Variants in FNDC3B observed in about 807,000 individuals in gnomAD.
The protein encoded by FNDC3B is fibronectin type III domain containing 3B, also known as fibronectin type III domain-containing protein 3B.
A neutral mutation model predicts 151.5 loss-of-function variants in FNDC3B; 12 were observed. The observed-to-expected ratio is 0.08, with a 90% CI of 0.05 to 0.13. The LOEUF is 0.13. Ranked by LOEUF, FNDC3B falls within the 10% of genes least tolerant of loss-of-function variation. FNDC3B has a pLI of 1.00. For synonymous variants in FNDC3B, 528 were observed against 549.0 expected (o/e 0.96, Z 0.54); for missense variants, 1,214 against 1,505.3 (o/e 0.81, Z 3.20).
intron 3 of FNDC3B, among the ~76,000 whole-genome samples, chr3:172,176,842 T>TA (rs1723621393): frequency 6.6e-6 from 1 of 152,110 alleles, no homozygotes; most frequent in South Asian, 2.1e-4. Context: ...ACCACTGCAA[T>TA]AGGGTCTTGC....
At chr3:172,289,998 A>G (rs1730241116) in intron 7 of FNDC3B, among the ~76,000 whole-genome samples, 1 of 152,222 alleles carries the variant, frequency 6.6e-6, no homozygotes, top group Non-Finnish European at 1.5e-5. Flanking sequence ...GCGTATCACT[A>G]AGCAAAAGTG....
intron 3 of FNDC3B, among the ~76,000 whole-genome samples, chr3:172,167,171 G>T (rs549284511): frequency 6.6e-6 from 1 of 152,138 alleles, no homozygotes; most frequent in Non-Finnish European, 1.5e-5. Context: ...TGAGGCGGGC[G>T]GATCACCTGA....
intron 6 of FNDC3B, among the ~76,000 whole-genome samples, chr3:172,277,797 C>A (rs1461873209): frequency 6.6e-6 from 1 of 152,092 alleles, no homozygotes; most frequent in Non-Finnish European, 1.5e-5. Flanking sequence ...AGGTTTTTTC[C>A]ATTTTCCATA....
chr3:172,085,965 A>C (rs1718528885), intron 1 of FNDC3B, among the ~76,000 whole-genome samples: 2 of 152,184 alleles, frequency 1.3e-5, no homozygotes, highest in Non-Finnish European at 2.9e-5. Flanking sequence ...CTGTTTGTAA[A>C]GGTGGCAAAA....
intron 9 of FNDC3B, chr3:172,302,272 A>C (rs1730951159): frequency 6.6e-6 from 1 of 152,234 alleles, no homozygotes; most frequent in Non-Finnish European, 1.5e-5. Context: ...TTTCAATAGC[A>C]GTCTCAGTCA....
chr3:172,134,440 A>G (rs954696988), intron 3 of FNDC3B: 4 of 513,264 alleles, frequency 7.8e-6, no homozygotes, highest in Non-Finnish European at 1.6e-5. Context: ...CATGCAATTG[A>G]GATCAGTATT....
Position 172,346,575 on chromosome 3 carries a change from T to C in FNDC3B, c.2364+135T>C, listed in dbSNP as rs562276639. ...TTTTTTTTTTTTGCTCTGTGTACTA[T>C]AGTAATCACCCTTGGCACTTGCCAC... On this transcript the variant is annotated intron_variant, in intron 20 of 25. Coordinates refer to ENST00000415807, the MANE Select transcript of FNDC3B (RefSeq NM_022763.4). 8.6e-4 allele frequency: 441 copies of C among 511,764 alleles called. 1 individual carries two copies. The highest frequency in any genetic ancestry group is 8.0e-3 in the African/African-American group (406 of 50,444). 31.7% of individuals were successfully genotyped at this position (511,764 alleles called of 1,614,324 possible).
chr3:172,138,554 CCTA>C (rs1391833826), intron 3 of FNDC3B, among the ~76,000 whole-genome samples: 1 of 151,726 alleles, frequency 6.6e-6, no homozygotes, highest in Non-Finnish European at 1.5e-5. Context: ...TTACAATGAC[CCTA>C]CATTATTAAT....
intron 7 of FNDC3B, among the ~76,000 whole-genome samples, chr3:172,294,617 G>GT (rs1730499792): frequency 1.3e-5 from 2 of 152,174 alleles, no homozygotes. Context: ...AATCCAAACC[G>GT]TATCAGGAAG....
At chr3:172,098,887 G>A (rs1026287052) in intron 1 of FNDC3B, among the ~76,000 whole-genome samples, 3 of 152,152 alleles carry the variant, frequency 2.0e-5, no homozygotes, top group African/African-American at 4.8e-5. Context: ...TTTGCAAGGC[G>A]TGCTTCCTGT....
chr3:172,307,967 A>G lies in FNDC3B; in HGVS notation c.1200+466A>G, dbSNP rs113802631. ...AAATACCTACATCTTATCACTTTCT[A>G]ATAGTCTAGCTCATTTCAACAAACA... On this transcript the variant is annotated intron_variant, in intron 10 of 25. Transcript: ENST00000415807. Among the ~76,000 whole-genome samples, 1,152 of 152,314 alleles carry G rather than the reference A, an allele frequency of 7.6e-3. 13 individuals carry two copies. The highest frequency in any genetic ancestry group is 0.026 in the African/African-American group (1,070 of 41,570).
In FNDC3B at chr3:172,300,036, T is replaced by C. The variant is rs187736693; in HGVS notation, c.1061+1249T>C. Among the ~76,000 whole-genome samples, 417 of 152,370 alleles carry C rather than the reference T, an allele frequency of 2.7e-3. 8 individuals are homozygous for C. The highest frequency in any genetic ancestry group is 0.01 in the Middle Eastern group (3 of 294). On this transcript the variant is annotated intron_variant, in intron 9 of 25. Coordinates refer to ENST00000415807, the MANE Select transcript of FNDC3B (RefSeq NM_022763.4). The stretch of plus-strand genomic sequence containing the variant: ...AAAGTGCACATCTGCTCAGCTATCA[T>C]ATTGTTTAGATGAGCTCTCTTGCAA...
intron 1 of FNDC3B, among the ~76,000 whole-genome samples, chr3:172,050,372 C>T (rs1716580558): frequency 6.6e-6 from 1 of 150,630 alleles, no homozygotes. Context: ...TACATGTACT[C>T]TCTGTGGGTA....
intron 6 of FNDC3B, among the ~76,000 whole-genome samples, chr3:172,260,320 A>G (rs1728580628): frequency 6.6e-6 from 1 of 152,268 alleles, no homozygotes; most frequent in Non-Finnish European, 1.5e-5. Flanking sequence ...CATATTTAAA[A>G]TATGTACTAG....
intron 1 of FNDC3B, among the ~76,000 whole-genome samples, chr3:172,059,811 G>A (rs144723722): frequency 5.7e-4 from 87 of 152,282 alleles, no homozygotes; most frequent in Non-Finnish European, 1.1e-3. Context: ...ATGGTTTTAT[G>A]TAAGGATGTT....
chr3:172,181,976 T>C lies in FNDC3B; in HGVS notation c.188-44895T>C, dbSNP rs377764215. ...TTATTGCTTTTTCCTTACTTTGGCC[T>C]GAGAATGATGCAAAGCAGGCCTGTT... On this transcript the variant is annotated intron_variant, in intron 3 of 25. Coordinates refer to ENST00000415807, the MANE Select transcript of FNDC3B (RefSeq NM_022763.4). 1.2e-3 allele frequency among the ~76,000 whole-genome samples: 181 copies of C among 152,254 alleles called. 1 individual carries two copies. The highest frequency in any genetic ancestry group is 4.3e-3 in the African/African-American group (177 of 41,548).
intron 4 of FNDC3B, among the ~76,000 whole-genome samples, chr3:172,233,817 G>A (rs1166506701): frequency 6.6e-6 from 1 of 152,172 alleles, no homozygotes; most frequent in Non-Finnish European, 1.5e-5. Flanking sequence ...TCCTTCAGAG[G>A]AACTGATTTC....
chr3:172,344,156 A>G lies in FNDC3B; in HGVS notation c.2148A>G (p.Val716=), dbSNP rs1317208198. The change falls in exon 19 of 26, where the codon GTA becomes GTG. Residue 716 remains valine, a synonymous_variant. Transcript: ENST00000415807. ...TGGAGATGACGGAGCCCGAAGACGT[A>G]GCCTCGGAAGTGTACCATGGCCCAG... ...YSVEMTEPED[V]ASEVYHGPEL... is the part of the protein sequence containing the mutation. 6.2e-7 allele frequency: 1 copy of G among 1,614,212 alleles called. No homozygotes were observed. Among genetic ancestry groups the G allele is most frequent in the East Asian group, 2.2e-5 (1 of 44,884 alleles).
intron 1 of FNDC3B, among the ~76,000 whole-genome samples, chr3:172,090,209 A>G (rs936504376): frequency 2.6e-5 from 4 of 152,166 alleles, no homozygotes; most frequent in African/African-American, 4.8e-5. Context: ...GTTACTGAGA[A>G]AACTTGAGCA....
Sources: allele counts gnomAD v4.1 joint callset (sites outside exome capture counted in the v4.1 genomes callset), GRCh38; gene constraint gnomAD v4.1.1; transcripts MANE v1.5; gene names NCBI Gene and HGNC (gene_info 2026-07-23, HGNC 2026-07-21).